Variants in C10orf143 observed in about 807,000 individuals in gnomAD.
C10orf143 encodes the protein chromosome 10 open reading frame 143.
rs533525348 is a variant in C10orf143, at chr10:130,051,104, T to G, written c.298-15134A>C. Among the ~76,000 whole-genome samples, 6 of 152,264 alleles carry G rather than the reference T, an allele frequency of 3.9e-5. No individual in the cohort carries two copies. In the East Asian group the frequency reaches 1.2e-3, roughly 29 times the overall value. ...ACAAAAAATGGAAAACTACAATACA[T>G]AGCGAACATCCATGTTCTCACCAGA... On this transcript the variant is annotated intron_variant and NMD_transcript_variant, in intron 3 of 5. Transcript: ENST00000643056.
At chr10:130,061,043 A>T (rs1327066976), downstream of C10orf143, among the ~76,000 whole-genome samples, 1 of 151,990 alleles carries the variant, frequency 6.6e-6, no homozygotes, top group Non-Finnish European at 1.5e-5. Flanking sequence ...GATGCTGAGG[A>T]GGTACTCATC....
chr10:130,084,531 G>A (rs113378287), intron 1 of C10orf143, among the ~76,000 whole-genome samples: 4 of 152,132 alleles, frequency 2.6e-5, no homozygotes, highest in African/African-American at 7.2e-5. Flanking sequence ...TACAAATACA[G>A]AAAAGGGAGA....
At chr10:130,063,630 C>T (rs1485129686), downstream of C10orf143, among the ~76,000 whole-genome samples, 1 of 152,174 alleles carries the variant, frequency 6.6e-6, no homozygotes, top group African/African-American at 2.4e-5. Context: ...GGGCTCTTCC[C>T]ACATCAGTGC....
At chr10:130,067,166 C>T (rs1156264574) in intron 3 of C10orf143, 2 of 152,248 alleles carry the variant, frequency 1.3e-5, no homozygotes, top group African/African-American at 2.4e-5. Context: ...TTTCATCTCT[C>T]ACTGCAACGG....
chr10:130,084,433 T>G (rs1861258158), intron 1 of C10orf143, among the ~76,000 whole-genome samples: 1 of 152,188 alleles, frequency 6.6e-6, no homozygotes, highest in African/African-American at 2.4e-5. Flanking sequence ...GGTTAGCAAT[T>G]TTTGAAATTA....
chr10:130,101,701 T>A (rs528343468), intron 1 of C10orf143, among the ~76,000 whole-genome samples: 2 of 150,666 alleles, frequency 1.3e-5, no homozygotes, highest in Non-Finnish European at 3.0e-5. Flanking sequence ...CCCATCTCTA[T>A]AAAAATACAA....
At chr10:130,099,300 A>G (rs1284486730) in intron 1 of C10orf143, among the ~76,000 whole-genome samples, 1 of 152,104 alleles carries the variant, frequency 6.6e-6, no homozygotes, top group Non-Finnish European at 1.5e-5. Flanking sequence ...AGAGAATTAA[A>G]TAGCTTGCTT....
chr10:130,095,084 A>T (rs1198110456), intron 1 of C10orf143, among the ~76,000 whole-genome samples: 1 of 152,108 alleles, frequency 6.6e-6, no homozygotes, highest in Non-Finnish European at 1.5e-5. Flanking sequence ...CACCAATAAT[A>T]GACAAACAGA....
intron 3 of C10orf143, among the ~76,000 whole-genome samples, chr10:130,050,555 C>T (rs1409239367): frequency 6.6e-6 from 1 of 152,170 alleles, no homozygotes; most frequent in Non-Finnish European, 1.5e-5. Flanking sequence ...TAATCAGAAT[C>T]ATCTTAGTCA....
chr10:130,045,517 G>GC (rs1037525489), intron 3 of C10orf143, among the ~76,000 whole-genome samples: 18 of 152,296 alleles, frequency 1.2e-4, no homozygotes, highest in Admixed American at 5.2e-4. Flanking sequence ...CCCCCAGGAC[G>GC]CCCCCCGCGA....
intron 1 of C10orf143, among the ~76,000 whole-genome samples, chr10:130,094,087 A>G (rs1470523235): frequency 6.6e-6 from 1 of 151,988 alleles, no homozygotes; most frequent in Non-Finnish European, 1.5e-5. Flanking sequence ...ATCAGAGAAT[A>G]CTATAAACGG....
intron 3 of C10orf143, among the ~76,000 whole-genome samples, chr10:130,079,122 G>A (rs1441034292): frequency 6.6e-6 from 1 of 152,160 alleles, no homozygotes; most frequent in Non-Finnish European, 1.5e-5. Context: ...AATTAATGGT[G>A]TAAACACTGT....
chr10:130,074,462 G>A (rs187282972), intron 3 of C10orf143, among the ~76,000 whole-genome samples: 82 of 152,274 alleles, frequency 5.4e-4, no homozygotes, highest in African/African-American at 1.9e-3. Flanking sequence ...AGCTGTGGCC[G>A]AGACAGGACA....
At position 130,055,901 on chromosome 10, in the gene C10orf143, G is replaced by A. The variant is rs955378508; in HGVS notation, c.298-19931C>T. Among the ~76,000 whole-genome samples the A allele has an allele frequency of 4.6e-5, 6 of 129,924 alleles. No homozygotes were observed. The East Asian group carries it at 1.2e-3, about 26-fold the overall frequency. 85.2% of individuals were successfully genotyped at this position (129,924 alleles called of 152,430 possible). ...GCAGAGGTTGCAGTGAGCTGAGATC[G>A]CATCACTGTACTCCAGCCTGGATAA... On this transcript the variant is annotated intron_variant and NMD_transcript_variant, in intron 3 of 5. Transcript: ENST00000643056.
downstream of C10orf143, among the ~76,000 whole-genome samples, chr10:130,060,635 A>G (rs184488094): frequency 4.7e-5 from 7 of 150,412 alleles, no homozygotes; most frequent in African/African-American, 1.7e-4. Flanking sequence ...CATCCTGGCT[A>G]ACACGGTGAA....
chr10:130,055,952 T>TAAAAAAAAAAA (rs369284797), intron 3 of C10orf143, among the ~76,000 whole-genome samples: 154 of 65,758 alleles, frequency 2.3e-3, no homozygotes, highest in Admixed American at 3.3e-3. Flanking sequence ...TCTCCAAAAG[T>TAAAAAAAAAAA]AAAAAAAAAA....
chr10:130,106,249 T>C, intron 1 of C10orf143: 1 of 1,489,130 alleles, frequency 6.7e-7, no homozygotes, highest in South Asian at 1.1e-5. Context: ...CGGTTAGGAG[T>C]CGGCTTTATG....
At chr10:130,094,922 G>A (rs551373829) in intron 1 of C10orf143, among the ~76,000 whole-genome samples, 2 of 152,290 alleles carry the variant, frequency 1.3e-5, no homozygotes, top group East Asian at 3.9e-4. Context: ...AATAGGAAGA[G>A]AGGAAGTCAA....
downstream of C10orf143, among the ~76,000 whole-genome samples, chr10:130,060,809 C>A (rs1417895193): frequency 6.9e-5 from 7 of 101,178 alleles, no homozygotes; most frequent in African/African-American, 2.8e-4. Flanking sequence ...GGTGACAGAG[C>A]GAGACTCCGT....
Sources: allele counts gnomAD v4.1 joint callset (sites outside exome capture counted in the v4.1 genomes callset), GRCh38; gene constraint gnomAD v4.1.1; transcripts MANE v1.5; gene names NCBI Gene and HGNC (gene_info 2026-07-23, HGNC 2026-07-21).